The following ABCA1 variants were observed in gnomAD, a reference collection of about 807,000 sequenced individuals.
The protein encoded by ABCA1 is phospholipid-transporting ATPase ABCA1.
ABCA1 carries 133 observed loss-of-function variants against 262.5 expected under a neutral mutation model. That is an observed-to-expected ratio of 0.51 (90% CI 0.44 to 0.59). The LOEUF (loss-of-function observed/expected upper bound fraction) is 0.59. Among genes scored for constraint, ABCA1 ranks in the 20% least tolerant of loss-of-function variants. The pLI is 0.00. For missense variants in ABCA1, 2,452 were observed against 2,777.5 expected, an observed-to-expected ratio of 0.88 and a Z score of 2.63; for synonymous variants, 1,022 against 1,043.5, an observed-to-expected ratio of 0.98 and a Z score of 0.40.
At chr9:104,799,495 C>T in intron 36 of ABCA1, 1 of 983,498 alleles carries the variant, frequency 1.0e-6, no homozygotes, top group Non-Finnish European at 1.2e-6. Flanking sequence ...AAATTTAAAA[C>T]AGTGGTTTTT....
At chr9:104,870,000 A>G (rs897611367) in intron 5 of ABCA1, among the ~76,000 whole-genome samples, 5 of 152,174 alleles carry the variant, frequency 3.3e-5, no homozygotes, top group Non-Finnish European at 7.3e-5. Context: ...ACAAGCTGAA[A>G]ATTAAACATG....
chr9:104,804,832 C>A, intron 31 of ABCA1, 112 bp from the exon 32 acceptor site: 1 of 918,664 alleles, frequency 1.1e-6, no homozygotes, highest in South Asian at 1.3e-5. Flanking sequence ...AACCTGACTA[C>A]AGGTCCCAGA....
In ABCA1 at chr9:104,884,378, A is replaced by G. The variant is rs779440710; in HGVS notation, c.302+49T>C. On this transcript the variant is annotated intron_variant, in intron 4 of 49. Transcript: ENST00000374736. ...TTCTCCAGAGGACAAGAAAGGAAGG[A>G]AAAGGATTAACTGACAAGTTTGGAA... 11 of 1,611,584 alleles carry G rather than the reference A, an allele frequency of 6.8e-6. No homozygotes were observed. In the Admixed American group the frequency reaches 1.7e-4, roughly 24 times the overall value.
In ABCA1 at chr9:104,853,744, A is replaced by T. The variant is rs368479466; in HGVS notation, c.720+4778T>A. Among the ~76,000 whole-genome samples, 3 of 152,354 alleles carry T rather than the reference A, an allele frequency of 2.0e-5. No individual in the cohort carries two copies. The East Asian group carries it at 5.8e-4, about 29-fold the overall frequency. The stretch of plus-strand genomic sequence containing the variant: ...TAATAGGTGATGCTTATTATGCTTT[A>T]GAGTCACTTTCCAAATATGGGCAAG... On this transcript the variant is annotated intron_variant, in intron 7 of 49. Transcript: ENST00000374736.
chr9:104,800,102 C>A, intron 35 of ABCA1, 114 bp from the exon 36 acceptor site: 1 of 1,094,336 alleles, frequency 9.1e-7, no homozygotes, highest in Non-Finnish European at 1.4e-6. Context: ...AGTCACATAC[C>A]AAGGCAAAAC....
intron 14 of ABCA1, among the ~76,000 whole-genome samples, 168 bp from the exon 15 acceptor site, chr9:104,829,306 A>G (rs1833056237): frequency 1.3e-5 from 2 of 152,258 alleles, no homozygotes; most frequent in Admixed American, 6.5e-5. Context: ...TTCACGAGCA[A>G]TGCAATGTAG....
chr9:104,794,641 G>A, intron 39 of ABCA1, 131 bp from the exon 40 acceptor site: 2 of 1,005,172 alleles, frequency 2.0e-6, no homozygotes, highest in South Asian at 1.6e-5. Context: ...ATTCTCTAGG[G>A]ACAAACCAGA....
chr9:104,821,233 C>G lies in ABCA1; in HGVS notation c.2960+142G>C, dbSNP rs375301241. ...AGTCCAGCCTGGCTACAGAGCGAGA[C>G]TCCATCTCAAAAAAATAAAAAAGAA... On this transcript the variant is annotated intron_variant, in intron 20 of 49. Coordinates refer to ENST00000374736, the MANE Select transcript of ABCA1 (RefSeq NM_005502.4). The G allele has an allele frequency of 4.0e-4, 478 of 1,190,382 alleles. 3 individuals carry two copies. Among genetic ancestry groups the G allele is most frequent in the Admixed American group, 1.3e-3 (49 of 37,764 alleles). The allele number at this position is 1,190,382 out of a possible 1,614,324, so 73.7% of individuals were successfully genotyped here. A position where few individuals can be genotyped will look rare whatever the true frequency, so the allele number is the denominator to read the frequency against.
At chr9:104,835,754 A>G (rs1352446993) in intron 11 of ABCA1, among the ~76,000 whole-genome samples, 1 of 152,156 alleles carries the variant, frequency 6.6e-6, no homozygotes. Flanking sequence ...TAGATTCCTA[A>G]TGAATGCCAT....
intron 39 of ABCA1, among the ~76,000 whole-genome samples, 186 bp from the exon 40 acceptor site, chr9:104,794,696 T>G (rs1385772315): frequency 2.0e-5 from 3 of 152,172 alleles, no homozygotes; most frequent in Non-Finnish European, 2.9e-5. Flanking sequence ...GCATAGCTGA[T>G]GATATGTAGC....
intron 20 of ABCA1, 66 bp from the exon 21 acceptor site, chr9:104,820,135 C>G: frequency 6.3e-7 from 1 of 1,599,560 alleles, no homozygotes; most frequent in South Asian, 1.1e-5. Context: ...TGTCCCCTGG[C>G]CCAGAACAGA....
At chr9:104,800,445 G>T in intron 35 of ABCA1, 65 bp downstream of exon 35, 1 of 1,491,444 alleles carries the variant, frequency 6.7e-7, no homozygotes, top group Non-Finnish European at 9.4e-7. Context: ...TGAGTTGAAA[G>T]TACTCCAGGA....
At chr9:104,845,449 T>C (rs1834781658) in intron 8 of ABCA1, 28 bp downstream of exon 8, 3 of 1,538,376 alleles carry the variant, frequency 2.0e-6, no homozygotes, top group Non-Finnish European at 2.7e-6. Flanking sequence ...GATGATCCGC[T>C]TCCTGGTACT....
chr9:104,846,828 G>T (rs548494568), intron 7 of ABCA1, among the ~76,000 whole-genome samples: 1 of 152,172 alleles, frequency 6.6e-6, no homozygotes, highest in Non-Finnish European at 1.5e-5. Flanking sequence ...TCTGTGATAC[G>T]CAGAGGTGTT....
In ABCA1 at chr9:104,818,952, G is replaced by A; in HGVS notation, c.3242-69C>T. ...CAGTTCTGATTTGTCACAGTGACAG[G>A]GACTAGAGAGATATTAGCAGGGGTA... On this transcript the variant is annotated intron_variant, in intron 22 of 49. Transcript: ENST00000374736. The A allele has an allele frequency of 2.8e-6, 4 of 1,404,594 alleles. No individual in the cohort carries two copies. The South Asian group carries it at 3.7e-5, about 13-fold the overall frequency. The allele number at this position is 1,404,594 out of a possible 1,614,324, so 87.0% of individuals were successfully genotyped here.
rs959729673 is a variant in ABCA1, at chr9:104,903,753, C to G, written c.-74G>C. ...CAGCGGCCAGAGCTCACAGCAGGGACGCCGTGGCTGGTCATTAACTGAAAG... is the reference window on the plus strand; with the variant it reads ...CAGCGGCCAGAGCTCACAGCAGGGAGGCCGTGGCTGGTCATTAACTGAAAG... On this transcript the variant is annotated 5_prime_UTR_variant, in exon 2 of 50. Transcript: ENST00000374736. The G allele has an allele frequency of 2.1e-6, 3 of 1,407,822 alleles. No homozygotes were observed. Among genetic ancestry groups the G allele is most frequent in the Non-Finnish European group, 2.9e-6 (3 of 1,019,246 alleles). 87.2% of individuals were successfully genotyped at this position (1,407,822 alleles called of 1,614,324 possible). A position where few individuals can be genotyped will look rare whatever the true frequency, so the allele number is the denominator to read the frequency against.
intron 5 of ABCA1, among the ~76,000 whole-genome samples, chr9:104,863,921 C>T (rs1785954501): frequency 6.6e-6 from 1 of 152,212 alleles, no homozygotes; most frequent in Non-Finnish European, 1.5e-5. Flanking sequence ...AATGCAGTTT[C>T]TTGGGCCCAG....
chr9:104,845,705 A>G, intron 7 of ABCA1, 136 bp from the exon 8 acceptor site: 1 of 661,266 alleles, frequency 1.5e-6, no homozygotes, highest in South Asian at 1.7e-5. Flanking sequence ...CCAAAACTAA[A>G]GACACTACAA....
chr9:104,917,906 T>G (rs1483425976), intron 1 of ABCA1, among the ~76,000 whole-genome samples: 2 of 152,206 alleles, frequency 1.3e-5, no homozygotes, highest in South Asian at 4.1e-4. Flanking sequence ...GTGAGAAAAA[T>G]AATTTGTCTT....
Sources: allele counts gnomAD v4.1 joint callset (sites outside exome capture counted in the v4.1 genomes callset), GRCh38; gene constraint gnomAD v4.1.1; transcripts MANE v1.5; gene names NCBI Gene and HGNC (gene_info 2026-07-23, HGNC 2026-07-21).